The following HERC1 variants were observed in gnomAD, a reference collection of about 807,000 sequenced individuals.
HERC1 encodes the protein probable E3 ubiquitin-protein ligase HERC1.
A neutral mutation model predicts 554.3 loss-of-function variants in HERC1; 160 were observed. The observed-to-expected ratio is 0.29, with a 90% CI of 0.25 to 0.33. The LOEUF (loss-of-function observed/expected upper bound fraction) is 0.33. Ranked by LOEUF, HERC1 falls within the 10% of genes least tolerant of loss-of-function variation. The pLI is 1.00. For synonymous variants in HERC1, 2,175 were observed against 2,131.7 expected (o/e 1.02, Z -0.56); for missense variants, 4,919 against 5,918.5 (o/e 0.83, Z 5.54).
At chr15:63,793,311 G>A (rs1056935649) in intron 1 of HERC1, among the ~76,000 whole-genome samples, 6 of 152,208 alleles carry the variant, frequency 3.9e-5, no homozygotes, top group African/African-American at 1.4e-4. Flanking sequence ...AAAGAAGCTG[G>A]CCCAAACCCA....
chr15:63,737,105 C>A (rs1265999543), intron 12 of HERC1, among the ~76,000 whole-genome samples: 1 of 150,892 alleles, frequency 6.6e-6, no homozygotes. Context: ...AGGAACACTT[C>A]CAGAATGAAG....
At chr15:63,619,671 A>G (rs1483160628) in intron 74 of HERC1, among the ~76,000 whole-genome samples, 3 of 152,184 alleles carry the variant, frequency 2.0e-5, no homozygotes, top group East Asian at 1.9e-4. Flanking sequence ...CCTCAATTTC[A>G]GAGCCTGTTT....
intron 12 of HERC1, among the ~76,000 whole-genome samples, chr15:63,736,062 G>T (rs1596105469): frequency 6.6e-6 from 1 of 152,230 alleles, no homozygotes; most frequent in African/African-American, 2.4e-5. Context: ...CCCCTCCCCA[G>T]AATGGAAAGG....
chr15:63,618,386 T>C (rs960553310), intron 74 of HERC1, among the ~76,000 whole-genome samples: 1 of 152,174 alleles, frequency 6.6e-6, no homozygotes, highest in East Asian at 1.9e-4. Flanking sequence ...ACCAGTACCA[T>C]GCTGTTTTGG....
At chr15:63,683,349 T>C (rs2071581700) in intron 34 of HERC1, among the ~76,000 whole-genome samples, 1 of 152,010 alleles carries the variant, frequency 6.6e-6, no homozygotes, top group Non-Finnish European at 1.5e-5. Context: ...AACTGGTGGG[T>C]TTTTGCTATG....
chr15:63,832,142 T>C (rs1056919610), intron 1 of HERC1, among the ~76,000 whole-genome samples: 1 of 152,216 alleles, frequency 6.6e-6, no homozygotes, highest in African/African-American at 2.4e-5. Context: ...CCATACAACC[T>C]TGTCATGTGA....
intron 2 of HERC1, among the ~76,000 whole-genome samples, chr15:63,767,528 C>T (rs1008517238): frequency 4.6e-5 from 7 of 152,066 alleles, no homozygotes; most frequent in Non-Finnish European, 1.0e-4. Flanking sequence ...GAAACCCCAT[C>T]TCTACTAAAA....
intron 74 of HERC1, among the ~76,000 whole-genome samples, chr15:63,620,140 A>G (rs1186796457): frequency 4.0e-5 from 6 of 151,750 alleles, no homozygotes; most frequent in Non-Finnish European, 5.9e-5. Context: ...TAGTGCTATA[A>G]ATTTCCCTCT....
At chr15:63,766,593 C>G (rs1005117484) in intron 2 of HERC1, among the ~76,000 whole-genome samples, 4 of 152,208 alleles carry the variant, frequency 2.6e-5, no homozygotes, top group African/African-American at 9.6e-5. Flanking sequence ...TAAAAAACAG[C>G]ACATTAATAA....
intron 40 of HERC1, 121 bp downstream of exon 40, chr15:63,669,417 T>C: frequency 2.2e-6 from 2 of 898,612 alleles, no homozygotes; most frequent in Non-Finnish European, 3.5e-6. Flanking sequence ...ATGGGGCAGT[T>C]CCCCTTCATT....
chr15:63,729,133 C>T, intron 16 of HERC1, 103 bp downstream of exon 16: 1 of 1,039,630 alleles, frequency 9.6e-7, no homozygotes, highest in Non-Finnish European at 1.4e-6. Flanking sequence ...AAATTCAAGA[C>T]CATTCCTATT....
chr15:63,725,302 A>G lies in HERC1; in HGVS notation c.3558T>C (p.Thr1186=), dbSNP rs1417317479. ...AGAGAAGCACATTACCCAATTGAGG[A>G]GTGTCCATTTCTACACCGTCACTGA... ...PLFSDGVEMD[T]PQLDKCMSCL... The change falls in exon 18 of 78, where the codon ACT becomes ACC. Residue 1186 remains threonine (T), a synonymous_variant. Transcript: ENST00000443617. 7.4e-6 allele frequency: 12 copies of G among 1,613,398 alleles called. No individual in the cohort carries two copies. Among genetic ancestry groups the G allele is most frequent in the Admixed American group, 1.7e-5 (1 of 59,992 alleles).
Position 63,694,040 on chromosome 15 carries a change from T to A in HERC1, c.5598A>T (p.Glu1866Asp), listed in dbSNP as rs767187281. 8 of 1,599,658 alleles carry A rather than the reference T, an allele frequency of 5.0e-6. No homozygotes were observed. In the East Asian group the frequency reaches 1.8e-4, roughly 36 times the overall value. The change falls in exon 30 of 78, where the codon GAA becomes GAT. Residue 1866 changes from glutamate (E) to aspartate (D), a missense_variant. Physicochemically the swap from Glu to Asp is conservative, Grantham distance 45 (BLOSUM62 2). Around this residue, in one of 11 missense-constraint regions of HERC1, gnomAD observed 1,121 missense variants for 1,244.0 expected, o/e 0.90. Transcript: ENST00000443617. The surrounding 1 kb of genome is among the most constrained non-coding windows in gnomAD (Gnocchi z 4.3). The stretch of plus-strand genomic sequence containing the variant: ...CTTCTTCACCGTCTTCTTGCTCCCC[T>A]TCTCCGAAAGAGGCCATATGTAGTA... ...TGVLHMASFG[E>D]GEQEDGEEEE...
rs759307643 is a variant in HERC1, at chr15:63,669,545, G to A, written c.8199C>T (p.Asn2733=). The change falls in exon 40 of 78, where the codon AAC becomes AAT. Residue 2733 remains asparagine (N), a synonymous_variant. Coordinates refer to ENST00000443617, the MANE Select transcript of HERC1 (RefSeq NM_003922.4). ...GCATATCAGCACACGCACCTGTGCG[G>A]TTAGCTGGCCTTGCTGACTGGGAAT... ...SPDSQSARPA[N]RTALSDPSSR... 35 of 1,613,638 alleles carry A rather than the reference G, an allele frequency of 2.2e-5. No individual in the cohort carries two copies. The Middle Eastern group carries it at 8.2e-4, about 38-fold the overall frequency.
chr15:63,670,542 C>T (rs2070857397), intron 39 of HERC1, among the ~76,000 whole-genome samples: 1 of 152,160 alleles, frequency 6.6e-6, no homozygotes, highest in Admixed American at 6.5e-5. Flanking sequence ...AAGTGCAACT[C>T]TAATGAAGTC....
chr15:63,711,216 T>C (rs2073274949), intron 24 of HERC1, among the ~76,000 whole-genome samples: 1 of 152,088 alleles, frequency 6.6e-6, no homozygotes, highest in African/African-American at 2.4e-5. Context: ...TCTCAGCTAC[T>C]CGGGAGGCTG....
At position 63,663,209 on chromosome 15, in the gene HERC1, G is replaced by A. The variant is rs767479930; in HGVS notation, c.8681-5C>T. ...GCACAGAGCGGTATAATCCCGCTCA[G>A]AACAAAACAAAAAAGGCATTTTATT... On this transcript the variant is annotated splice_region_variant and splice_polypyrimidine_tract_variant and intron_variant, in intron 43 of 77. Coordinates refer to ENST00000443617, the MANE Select transcript of HERC1 (RefSeq NM_003922.4). 144 of 1,599,902 alleles carry A rather than the reference G, an allele frequency of 9.0e-5. No homozygotes were observed. The Admixed American group carries it at 1.1e-3, about 12-fold the overall frequency.
chr15:63,799,216 A>C (rs1467846533), intron 1 of HERC1, among the ~76,000 whole-genome samples: 1 of 152,142 alleles, frequency 6.6e-6, no homozygotes, highest in Non-Finnish European at 1.5e-5. Flanking sequence ...AAAAGTAGCT[A>C]TTGGCCAGGC....
intron 74 of HERC1, among the ~76,000 whole-genome samples, chr15:63,619,574 C>T (rs2067978330): frequency 6.6e-6 from 1 of 152,180 alleles, no homozygotes; most frequent in Non-Finnish European, 1.5e-5. Flanking sequence ...AGGAATGGTA[C>T]CAGCTCCTCC....
Sources: gnomAD v4.1 joint callset for allele counts (sites outside exome capture counted in the v4.1 genomes callset) on GRCh38, gnomAD v4.1.1 for gene constraint, gnomAD v4.1.1 regional missense constraint, Gnocchi (gnomAD v3.1) non-coding constraint, MANE v1.5 for transcripts, NCBI Gene and HGNC (gene_info 2026-07-23, HGNC 2026-07-21) for gene names.